The following YEATS4 variants were observed in gnomAD, a reference collection of about 807,000 sequenced individuals.
YEATS4 encodes the protein YEATS domain-containing protein 4.
YEATS4 carries 17 observed loss-of-function variants against 30.1 expected under a neutral mutation model. The observed-to-expected ratio is 0.56, with a 90% CI of 0.39 to 0.85. The LOEUF is 0.85. YEATS4 is among the 40% of genes least tolerant of loss of function. The probability of loss-of-function intolerance (pLI) is 0.00; values close to 1 mark genes in which losing one functional copy is unlikely to be tolerated. For missense variants in YEATS4, 142 were observed against 268.3 expected, an observed-to-expected ratio of 0.53 and a Z score of 3.29; for synonymous variants, 85 against 87.5, an observed-to-expected ratio of 0.97 and a Z score of 0.16.
At chr12:69,360,988 A>G (rs1469831883) in intron 1 of YEATS4, among the ~76,000 whole-genome samples, 3 of 151,690 alleles carry the variant, frequency 2.0e-5, no homozygotes, top group Non-Finnish European at 4.4e-5. Flanking sequence ...ACCTGAGATC[A>G]GAAGTTCAAG....
chr12:69,385,869 A>G (rs1167930049), intron 6 of YEATS4, among the ~76,000 whole-genome samples: 2 of 152,172 alleles, frequency 1.3e-5, no homozygotes, highest in African/African-American at 4.8e-5. Flanking sequence ...GATTAGCACC[A>G]TTTTGTAGGT....
chr12:69,360,301 C>T (rs1329581815), intron 1 of YEATS4, among the ~76,000 whole-genome samples: 3 of 152,094 alleles, frequency 2.0e-5, no homozygotes, highest in Non-Finnish European at 2.9e-5. Flanking sequence ...AGGAAACGGG[C>T]GACTCCGAGG....
At chr12:69,373,131 G>C (rs1169610634) in intron 6 of YEATS4, among the ~76,000 whole-genome samples, 1 of 152,154 alleles carries the variant, frequency 6.6e-6, no homozygotes, top group African/African-American at 2.4e-5. Context: ...TTGATATACT[G>C]ACTTATTTTC....
At chr12:69,402,725 C>CTTTTTTTTTTTTTTT in the YEATS4 span, among the ~76,000 whole-genome samples, 3 of 113,116 alleles carry the variant, frequency 2.7e-5, no homozygotes, top group East Asian at 2.4e-4. Context: ...TCTTTCTTTT[C>CTTTTTTTTTTTTTTT]TTTTTTTTTT....
chr12:69,398,827 AAAC>A, the YEATS4 span, among the ~76,000 whole-genome samples: 8,882 of 141,514 alleles, frequency 0.063, 417 homozygotes, highest in African/African-American at 0.14. Flanking sequence ...AAAAAAAAAA[AAAC>A]GGCAAATTGA....
chr12:69,402,730 T>C, the YEATS4 span, among the ~76,000 whole-genome samples: 13 of 146,856 alleles, frequency 8.9e-5, no homozygotes, highest in Non-Finnish European at 1.8e-4. Flanking sequence ...CTTTTCTTTT[T>C]TTTTTTTTTT....
At chr12:69,361,050 T>C (rs1000222657) in intron 1 of YEATS4, among the ~76,000 whole-genome samples, 1 of 151,338 alleles carries the variant, frequency 6.6e-6, no homozygotes, top group South Asian at 2.1e-4. Flanking sequence ...ATACAAAAAT[T>C]AGCCGGGCGT....
At chr12:69,384,458 T>A (rs1876198801) in intron 6 of YEATS4, among the ~76,000 whole-genome samples, 1 of 152,248 alleles carries the variant, frequency 6.6e-6, no homozygotes, top group Non-Finnish European at 1.5e-5. Flanking sequence ...TGATCTTTAG[T>A]TCATTTTCTT....
chr12:69,372,535 G>A (rs1382971953), intron 6 of YEATS4, among the ~76,000 whole-genome samples: 1 of 79,820 alleles, frequency 1.3e-5, no homozygotes. Flanking sequence ...TGTATCTCAT[G>A]AGTTTTTTTT....
intron 6 of YEATS4, among the ~76,000 whole-genome samples, chr12:69,386,930 A>G (rs1300050929): frequency 6.6e-6 from 1 of 152,184 alleles, no homozygotes; most frequent in Non-Finnish European, 1.5e-5. Flanking sequence ...TAACAACACT[A>G]ATTAATAAAA....
chr12:69,409,028 A>G, the YEATS4 span, among the ~76,000 whole-genome samples: 1 of 152,122 alleles, frequency 6.6e-6, no homozygotes, highest in Non-Finnish European at 1.5e-5. Flanking sequence ...TCGAGATTTT[A>G]ATATATATAT....
intron 4 of YEATS4, among the ~76,000 whole-genome samples, chr12:69,368,605 C>T (rs1875525721): frequency 6.6e-6 from 1 of 152,054 alleles, no homozygotes; most frequent in South Asian, 2.1e-4. Flanking sequence ...TTTCTGGTAC[C>T]ATAAACTGGG....
chr12:69,366,643 C>A (rs2120923465), intron 4 of YEATS4, among the ~76,000 whole-genome samples: 1 of 152,238 alleles, frequency 6.6e-6, no homozygotes, highest in Non-Finnish European at 1.5e-5. Flanking sequence ...ATGGCTCTCA[C>A]ATTCCACATA....
chr12:69,396,948 T>A, the YEATS4 span, among the ~76,000 whole-genome samples: 1 of 152,232 alleles, frequency 6.6e-6, no homozygotes, highest in Admixed American at 6.5e-5. Flanking sequence ...TAAACTTTCC[T>A]GAGCCTCAGT....
At chr12:69,365,248 G>A (rs950747740) in intron 2 of YEATS4, among the ~76,000 whole-genome samples, 1 of 151,780 alleles carries the variant, frequency 6.6e-6, no homozygotes, top group Non-Finnish European at 1.5e-5. Context: ...TCAAGAGTTC[G>A]AGACCAGCCT....
chr12:69,380,886 TTTTC>T (rs1876049793), intron 6 of YEATS4, among the ~76,000 whole-genome samples: 1 of 152,040 alleles, frequency 6.6e-6, no homozygotes, highest in African/African-American at 2.4e-5. Flanking sequence ...TTATTAGTGA[TTTTC>T]AAAAGGGGAG....
At chr12:69,371,055 A>G (rs1235186896) in intron 6 of YEATS4, 80 bp downstream of exon 6, 2 of 1,394,216 alleles carry the variant, frequency 1.4e-6, no homozygotes, top group East Asian at 2.4e-5. Context: ...TGCCTTTTAC[A>G]CTTTAAAAAA....
chr12:69,372,146 AT>A (rs1331061975), intron 6 of YEATS4, among the ~76,000 whole-genome samples: 1 of 152,176 alleles, frequency 6.6e-6, no homozygotes, highest in Non-Finnish European at 1.5e-5. Flanking sequence ...ATATGAAGTC[AT>A]TTGTGAGTTT....
the YEATS4 span, chr12:69,401,178 C>T: frequency 6.7e-6 from 1 of 149,136 alleles, no homozygotes; most frequent in Admixed American, 6.8e-5. Context: ...CCAGCCTGGG[C>T]AACACAGTGA....
Sources: allele counts gnomAD v4.1 joint callset (sites outside exome capture counted in the v4.1 genomes callset), GRCh38; gene constraint gnomAD v4.1.1; transcripts MANE v1.5; gene names NCBI Gene and HGNC (gene_info 2026-07-23, HGNC 2026-07-21).